DGLUCY: variants seen among roughly 807,000 people sequenced by gnomAD.
The protein encoded by DGLUCY is D-glutamate cyclase.
Under a neutral mutation model 58.5 loss-of-function variants are expected in DGLUCY, and 58 were observed. The ratio of observed to expected loss-of-function variants is 0.99; its 90% CI spans 0.80 to 1.23. The LOEUF (loss-of-function observed/expected upper bound fraction) is 1.23. DGLUCY is among the 50% of genes most tolerant of loss of function. DGLUCY has a pLI of 0.00. For missense variants in DGLUCY, 779 were observed against 784.7 expected (o/e 0.99, Z 0.09); for synonymous variants, 325 against 314.1 (o/e 1.03, Z -0.37).
At chr14:91,102,937 T>C (rs2044518685) in intron 1 of DGLUCY, among the ~76,000 whole-genome samples, 1 of 151,988 alleles carries the variant, frequency 6.6e-6, no homozygotes, top group South Asian at 2.1e-4. Flanking sequence ...AATTTTTGTA[T>C]TTTTAGTAGA....
At chr14:91,129,089 CAG>C (rs550222038) in intron 1 of DGLUCY, among the ~76,000 whole-genome samples, 91 of 152,298 alleles carry the variant, frequency 6.0e-4, no homozygotes, top group Non-Finnish European at 1.2e-3. Context: ...CTTTGAGCGT[CAG>C]GGGACCCAGT....
At chr14:91,215,917 A>C (rs1463851214) in intron 13 of DGLUCY, 1 of 442,308 alleles carries the variant, frequency 2.3e-6, no homozygotes, top group South Asian at 2.1e-5. Context: ...AGTGGTGGGC[A>C]GGTGTCCTGT....
chr14:91,095,902 A>G (rs2044387818), intron 1 of DGLUCY, among the ~76,000 whole-genome samples: 1 of 152,074 alleles, frequency 6.6e-6, no homozygotes, highest in African/African-American at 2.4e-5. Context: ...CACCGCATGC[A>G]GAGTCCAGCC....
At chr14:91,105,257 G>C (rs979238917), upstream of DGLUCY, among the ~76,000 whole-genome samples, 3 of 152,078 alleles carry the variant, frequency 2.0e-5, no homozygotes, top group Admixed American at 1.3e-4. Flanking sequence ...GAACGTTGCA[G>C]TGAGCCAAAA....
At position 91,207,789 on chromosome 14, in the gene DGLUCY, G is replaced by A. The variant is rs972566453; in HGVS notation, c.1564+2964G>A. Reference sequence around the variant, plus strand: ...GAGATGGAGTTTCACTCTTGTTGCCGAGGCTGGAGTGCAATGGCGCAATCT... The same window carrying A: ...GAGATGGAGTTTCACTCTTGTTGCCAAGGCTGGAGTGCAATGGCGCAATCT... On this transcript the variant is annotated intron_variant, in intron 12 of 13. Transcript: ENST00000256324. Among the ~76,000 whole-genome samples the A allele has an allele frequency of 5.3e-5, 8 of 150,726 alleles. No homozygotes were observed. In the South Asian group the frequency reaches 1.5e-3, roughly 28 times the overall value.
chr14:91,126,773 T>A (rs1345451870), intron 1 of DGLUCY, among the ~76,000 whole-genome samples: 1 of 152,192 alleles, frequency 6.6e-6, no homozygotes, highest in Non-Finnish European at 1.5e-5. Context: ...ATCTTTCACT[T>A]AATTGCATCT....
chr14:91,132,472 C>T (rs1274905827), intron 1 of DGLUCY, among the ~76,000 whole-genome samples: 1 of 146,938 alleles, frequency 6.8e-6, no homozygotes, highest in Non-Finnish European at 1.5e-5. Flanking sequence ...AGACCCATAA[C>T]TTTTTCTTTT....
At position 91,126,245 on chromosome 14, in the gene DGLUCY, C is replaced by T. The variant is rs187073759; in HGVS notation, c.-82+11962C>T. On this transcript the variant is annotated intron_variant, in intron 1 of 13. Transcript: ENST00000256324. ...GTCAATGTATTAGGGGGACTATATT[C>T]CCTCTGATGCCTCTAGGGAATGATC... Among the ~76,000 whole-genome samples the T allele has an allele frequency of 2.3e-4, 35 of 152,248 alleles. No individual in the cohort carries two copies. In the East Asian group the frequency reaches 6.6e-3, roughly 29 times the overall value.
intron 1 of DGLUCY, chr14:91,114,878 G>C (rs1039270196): frequency 6.6e-6 from 1 of 152,378 alleles, no homozygotes; most frequent in Non-Finnish European, 1.5e-5. Flanking sequence ...TCTTTCTCCA[G>C]GCCACTGGTT....
At chr14:91,095,345 G>T (rs941178493) in intron 1 of DGLUCY, among the ~76,000 whole-genome samples, 1 of 152,186 alleles carries the variant, frequency 6.6e-6, no homozygotes, top group South Asian at 2.1e-4. Flanking sequence ...TGGTTCTCAG[G>T]GTCGGCAGAG....
At chr14:91,151,959 G>T (rs1393891904) in intron 1 of DGLUCY, among the ~76,000 whole-genome samples, 2 of 151,962 alleles carry the variant, frequency 1.3e-5, no homozygotes, top group Non-Finnish European at 2.9e-5. Flanking sequence ...TTATAGACAG[G>T]GTCTCATGTC....
intron 1 of DGLUCY, among the ~76,000 whole-genome samples, chr14:91,078,766 G>C (rs1026280899): frequency 6.6e-6 from 1 of 152,072 alleles, no homozygotes; most frequent in Non-Finnish European, 1.5e-5. Flanking sequence ...AGGAAACTAA[G>C]AAAGAAATGG....
chr14:91,084,238 C>T (rs2044174617), intron 1 of DGLUCY, among the ~76,000 whole-genome samples: 1 of 147,274 alleles, frequency 6.8e-6, no homozygotes, highest in Admixed American at 6.9e-5. Flanking sequence ...GAGTCTTGCT[C>T]TGTCACCCGG....
Position 91,123,910 on chromosome 14 carries a change from T to C in DGLUCY, c.-82+9627T>C, listed in dbSNP as rs73332509. Among the ~76,000 whole-genome samples, 558 of 151,462 alleles carry C rather than the reference T, an allele frequency of 3.7e-3. 7 individuals are homozygous for C. The highest frequency in any genetic ancestry group is 0.013 in the African/African-American group (545 of 41,204). Reference sequence around the variant, plus strand: ...TTCAATGTTTTAACAGCGCATCTTTTGGCTTTAATAATCAGACTTTTTTTT... The same window carrying C: ...TTCAATGTTTTAACAGCGCATCTTTCGGCTTTAATAATCAGACTTTTTTTT... On this transcript the variant is annotated intron_variant, in intron 1 of 13. Coordinates refer to ENST00000256324, the MANE Select transcript of DGLUCY (RefSeq NM_001102368.3).
intron 1 of DGLUCY, among the ~76,000 whole-genome samples, chr14:91,155,667 T>C (rs1023477046): frequency 1.4e-4 from 21 of 151,910 alleles, no homozygotes; most frequent in African/African-American, 4.8e-4. Context: ...GTGGTGGTGC[T>C]CACCTGTAGT....
intron 1 of DGLUCY, among the ~76,000 whole-genome samples, chr14:91,155,112 C>T (rs1407481375): frequency 6.6e-6 from 1 of 152,192 alleles, no homozygotes; most frequent in Non-Finnish European, 1.5e-5. Context: ...GAGCGCTAAG[C>T]ACATGGTGTT....
chr14:91,156,174 C>T (rs570146545), intron 1 of DGLUCY, among the ~76,000 whole-genome samples: 7 of 150,608 alleles, frequency 4.6e-5, no homozygotes, highest in African/African-American at 7.3e-5. Flanking sequence ...AGTGCAGTAG[C>T]GTGATCTCGG....
chr14:91,214,081 C>T (rs1166437848), intron 12 of DGLUCY, among the ~76,000 whole-genome samples: 2 of 151,238 alleles, frequency 1.3e-5, no homozygotes. Context: ...CTCCACCCCT[C>T]TTCTGGCAAA....
At chr14:91,061,798 T>C (rs1199296617) in intron 1 of DGLUCY, among the ~76,000 whole-genome samples, 1 of 152,154 alleles carries the variant, frequency 6.6e-6, no homozygotes, top group African/African-American at 2.4e-5. Flanking sequence ...AGGGATGCTG[T>C]GCTGAAGAGT....
Sources: allele counts gnomAD v4.1 joint callset (sites outside exome capture counted in the v4.1 genomes callset), GRCh38; gene constraint gnomAD v4.1.1; transcripts MANE v1.5; gene names NCBI Gene and HGNC (gene_info 2026-07-23, HGNC 2026-07-21).